The following CHCHD6 variants were observed in gnomAD, a reference collection of about 807,000 sequenced individuals.
CHCHD6 encodes the protein MICOS complex subunit MIC25.
In CHCHD6, 28 loss-of-function variants were observed where a neutral mutation model predicts 32.3. That is an observed-to-expected ratio of 0.87 (90% CI 0.64 to 1.19). The LOEUF (loss-of-function observed/expected upper bound fraction) is 1.19. Ranked by LOEUF, CHCHD6 falls within the 50% of genes most tolerant of loss-of-function variation. The probability of loss-of-function intolerance (pLI) is 0.00; values close to 1 mark genes in which losing one functional copy is unlikely to be tolerated. For synonymous variants in CHCHD6, 122 were observed against 117.5 expected (o/e 1.04, Z -0.25); for missense variants, 333 against 307.0 (o/e 1.08, Z -0.63).
chr3:126,731,335 C>G (rs895667268), intron 3 of CHCHD6, among the ~76,000 whole-genome samples: 16 of 152,086 alleles, frequency 1.1e-4, no homozygotes, highest in Non-Finnish European at 2.2e-4. Flanking sequence ...ATGGGACCTG[C>G]TTCCTGTCGC....
intron 2 of CHCHD6, among the ~76,000 whole-genome samples, chr3:126,730,046 C>T (rs2197796): frequency 0.084 from 12,756 of 152,064 alleles, 1,806 homozygotes; most frequent in African/African-American, 0.29. Flanking sequence ...ATACTAAAGG[C>T]GATAGTGGTT....
chr3:126,726,110 T>C (rs971707682), intron 1 of CHCHD6, among the ~76,000 whole-genome samples: 2 of 152,244 alleles, frequency 1.3e-5, no homozygotes, highest in Admixed American at 1.3e-4. Flanking sequence ...GCTTTCGACA[T>C]GCCTTCCTCA....
chr3:126,877,903 A>G (rs1010259820), intron 5 of CHCHD6, among the ~76,000 whole-genome samples: 4 of 152,248 alleles, frequency 2.6e-5, no homozygotes, highest in African/African-American at 9.6e-5. Flanking sequence ...TATAGTTAAA[A>G]AAGTAATTTG....
chr3:126,913,836 T>C (rs1458081941), intron 5 of CHCHD6, among the ~76,000 whole-genome samples: 1 of 152,224 alleles, frequency 6.6e-6, no homozygotes, highest in Non-Finnish European at 1.5e-5. Context: ...GATGTGGACC[T>C]GGGCCTTTGT....
intron 5 of CHCHD6, among the ~76,000 whole-genome samples, chr3:126,865,358 CCCA>C (rs566568983): frequency 4.0e-5 from 6 of 150,800 alleles, no homozygotes; most frequent in South Asian, 4.3e-4. Context: ...CCCTTCTGCC[CCCA>C]CCACCACCAC....
chr3:126,882,083 T>A (rs891355332), intron 5 of CHCHD6, among the ~76,000 whole-genome samples: 1 of 152,196 alleles, frequency 6.6e-6, no homozygotes, highest in Non-Finnish European at 1.5e-5. Flanking sequence ...ATCTCGGAAC[T>A]CCAAACACAC....
chr3:126,954,057 TC>T, intron 6 of CHCHD6, among the ~76,000 whole-genome samples: 1 of 152,332 alleles, frequency 6.6e-6, no homozygotes, highest in Non-Finnish European at 1.5e-5. Flanking sequence ...AGCTATGCTC[TC>T]CCTGTCTTAT....
At chr3:126,738,951 T>C (rs1437141859) in intron 4 of CHCHD6, among the ~76,000 whole-genome samples, 1 of 152,226 alleles carries the variant, frequency 6.6e-6, no homozygotes, top group African/African-American at 2.4e-5. Flanking sequence ...GGTCAGAGGT[T>C]GTGAAGTATA....
chr3:126,946,631 G>A (rs577770687), intron 6 of CHCHD6, among the ~76,000 whole-genome samples: 1 of 152,028 alleles, frequency 6.6e-6, no homozygotes. Flanking sequence ...GGACCTCTGG[G>A]TTCCACTTAC....
At chr3:126,787,439 G>C (rs1250430327) in intron 4 of CHCHD6, among the ~76,000 whole-genome samples, 1 of 152,086 alleles carries the variant, frequency 6.6e-6, no homozygotes, top group African/African-American at 2.4e-5. Context: ...TCACGATATT[G>C]ATTCTTCCTA....
chr3:126,820,415 A>G (rs1940098073), intron 4 of CHCHD6, among the ~76,000 whole-genome samples: 1 of 151,944 alleles, frequency 6.6e-6, no homozygotes. Context: ...CGCTACTTGG[A>G]CCTCTGCTGC....
intron 5 of CHCHD6, among the ~76,000 whole-genome samples, chr3:126,880,702 T>C (rs957770689): frequency 6.6e-6 from 1 of 152,086 alleles, no homozygotes; most frequent in African/African-American, 2.4e-5. Flanking sequence ...AAGGGAAAAT[T>C]TAAAAGCCCA....
At chr3:126,792,169 C>A (rs1938576721) in intron 4 of CHCHD6, among the ~76,000 whole-genome samples, 1 of 151,126 alleles carries the variant, frequency 6.6e-6, no homozygotes, top group South Asian at 2.1e-4. Context: ...AATGATGCTG[C>A]TGTGAATGTT....
intron 4 of CHCHD6, among the ~76,000 whole-genome samples, chr3:126,784,333 A>AAAACTTCCCTGTTC (rs1424942509): frequency 1.3e-5 from 2 of 152,110 alleles, no homozygotes; most frequent in Admixed American, 6.5e-5. Flanking sequence ...ATGCATTCTG[A>AAAACTTCCCTGTTC]AAACTTCCCT....
At position 126,821,528 on chromosome 3, in the gene CHCHD6, T is replaced by G. The variant is rs557248821; in HGVS notation, c.412-31119T>G. ...CCAGGCTGGTCTCAAACTCCTGACCTTGCAATCCACCTGCCTTGGCCTCCC... is the reference window on the plus strand; with the variant it reads ...CCAGGCTGGTCTCAAACTCCTGACCGTGCAATCCACCTGCCTTGGCCTCCC... On this transcript the variant is annotated intron_variant, in intron 4 of 7. Coordinates refer to ENST00000290913, the MANE Select transcript of CHCHD6 (RefSeq NM_032343.3). 7.3e-5 allele frequency among the ~76,000 whole-genome samples: 11 copies of G among 151,540 alleles called. No homozygotes were observed. In the South Asian group the frequency reaches 2.3e-3, roughly 31 times the overall value.
rs926736432 is a variant in CHCHD6 at position 126,879,096 on chromosome 3, T to C, written c.495+26366T>C. 3.9e-5 allele frequency among the ~76,000 whole-genome samples: 6 copies of C among 152,356 alleles called. No homozygotes were observed. The East Asian group carries it at 1.2e-3, about 29-fold the overall frequency. ...CTCTCTAGGCTTCCACATTATGTGG[T>C]GGCTAGATTCCAAAAGCATGTAGGA... On this transcript the variant is annotated intron_variant, in intron 5 of 7. Coordinates refer to ENST00000290913, the MANE Select transcript of CHCHD6 (RefSeq NM_032343.3).
intron 5 of CHCHD6, among the ~76,000 whole-genome samples, chr3:126,866,212 CCTGT>C (rs2107564596): frequency 6.6e-6 from 1 of 152,226 alleles, no homozygotes; most frequent in South Asian, 2.1e-4. Flanking sequence ...ACAGACTATA[CCTGT>C]CTGTCTCCAA....
At chr3:126,728,959 CTTTAT>C (rs1935662008) in intron 2 of CHCHD6, among the ~76,000 whole-genome samples, 1 of 152,000 alleles carries the variant, frequency 6.6e-6, no homozygotes, top group African/African-American at 2.4e-5. Context: ...CCAGTTTTTG[CTTTAT>C]TTTAGTGATG....
chr3:126,841,489 CTAAAG>C (rs1000290696), intron 4 of CHCHD6, among the ~76,000 whole-genome samples: 2 of 152,142 alleles, frequency 1.3e-5, no homozygotes, highest in Non-Finnish European at 2.9e-5. Flanking sequence ...TATCATTAAT[CTAAAG>C]TAAGGGTTGT....
Sources: allele counts gnomAD v4.1 joint callset (sites outside exome capture counted in the v4.1 genomes callset), GRCh38; gene constraint gnomAD v4.1.1; transcripts MANE v1.5; gene names NCBI Gene and HGNC (gene_info 2026-07-23, HGNC 2026-07-21).